Variants in MRPL48 observed in about 807,000 individuals in gnomAD.
MRPL48 encodes mitochondrial ribosomal protein L48.
MRPL48 carries 16 observed loss-of-function variants against 32.9 expected under a neutral mutation model. The ratio of observed to expected loss-of-function variants is 0.49; its 90% confidence interval spans 0.33 to 0.74. The LOEUF (loss-of-function observed/expected upper bound fraction) is 0.74, where lower values mean the gene tolerates loss of function less well. Among genes scored for constraint, MRPL48 ranks in the 30% least tolerant of loss-of-function variants. The pLI is 0.02. For missense variants in MRPL48, 206 were observed against 245.3 expected (o/e 0.84, Z 1.07); for synonymous variants, 94 against 89.2 (o/e 1.05, Z -0.31).
At chr11:73,823,771 C>CCT (rs1947830155) in intron 3 of MRPL48, among the ~76,000 whole-genome samples, 1 of 151,158 alleles carries the variant, frequency 6.6e-6, no homozygotes, top group Admixed American at 6.6e-5. Context: ...AATCCTCCTG[C>CCT]CTCAGCCTCC....
chr11:73,794,644 G>T (rs1189486590), intron 1 of MRPL48, among the ~76,000 whole-genome samples: 2 of 152,052 alleles, frequency 1.3e-5, no homozygotes, highest in Non-Finnish European at 2.9e-5. Context: ...GGGTTAAGTT[G>T]TTCAAGAGAA....
chr11:73,813,976 G>A (rs1295347190), intron 3 of MRPL48, among the ~76,000 whole-genome samples: 2 of 150,304 alleles, frequency 1.3e-5, no homozygotes, highest in Non-Finnish European at 2.9e-5. Flanking sequence ...GGGAGGCAGA[G>A]CTTGCAGTGA....
chr11:73,810,307 A>C (rs1173045480), intron 3 of MRPL48, among the ~76,000 whole-genome samples: 1 of 152,138 alleles, frequency 6.6e-6, no homozygotes, highest in Non-Finnish European at 1.5e-5. Context: ...GGATCACCTT[A>C]GGTCAGGAGT....
intron 4 of MRPL48, chr11:73,832,780 G>A (rs923304769): frequency 2.0e-5 from 3 of 152,168 alleles, no homozygotes; most frequent in African/African-American, 7.2e-5. Context: ...CTTAGGGAGA[G>A]TTACTTTATA....
At chr11:73,839,354 G>GT (rs199659373) in intron 4 of MRPL48, among the ~76,000 whole-genome samples, 1,627 of 151,572 alleles carry the variant, frequency 0.011, 35 homozygotes, top group Non-Finnish European at 8.9e-3. Flanking sequence ...AGTAGGGATA[G>GT]TTTTTTTTTC....
chr11:73,813,566 G>A (rs1490788247), intron 3 of MRPL48, among the ~76,000 whole-genome samples: 1 of 152,038 alleles, frequency 6.6e-6, no homozygotes, highest in Non-Finnish European at 1.5e-5. Flanking sequence ...ATATATTAAG[G>A]AAATTAGCAT....
At chr11:73,799,352 A>C (rs767740571) in intron 1 of MRPL48, among the ~76,000 whole-genome samples, 40 of 152,198 alleles carry the variant, frequency 2.6e-4, no homozygotes, top group Non-Finnish European at 5.6e-4. Context: ...ACCTTGTCTC[A>C]AAAACAAAAG....
At chr11:73,845,427 T>C (rs35320080) in intron 5 of MRPL48, among the ~76,000 whole-genome samples, 8,375 of 152,292 alleles carry the variant, frequency 0.055, 257 homozygotes, top group Middle Eastern at 0.11. Flanking sequence ...GCATTCATAA[T>C]GTTATACAAG....
chr11:73,856,154 C>G (rs1381148804), intron 5 of MRPL48, among the ~76,000 whole-genome samples: 1 of 152,120 alleles, frequency 6.6e-6, no homozygotes, highest in Non-Finnish European at 1.5e-5. Flanking sequence ...TGCTTTTTGC[C>G]TCTTTGCTGG....
At chr11:73,847,928 A>G (rs1948323542) in intron 5 of MRPL48, among the ~76,000 whole-genome samples, 1 of 152,096 alleles carries the variant, frequency 6.6e-6, no homozygotes, top group Admixed American at 6.6e-5. Context: ...CTTCCTGTCT[A>G]TGACTTATCT....
chr11:73,857,992 T>C (rs1409065466), intron 5 of MRPL48, among the ~76,000 whole-genome samples: 2 of 152,214 alleles, frequency 1.3e-5, no homozygotes, highest in Non-Finnish European at 2.9e-5. Flanking sequence ...CTGAAGTAAG[T>C]GTTAAAGAAT....
At chr11:73,803,063 G>A (rs942497721) in intron 1 of MRPL48, among the ~76,000 whole-genome samples, 1 of 152,104 alleles carries the variant, frequency 6.6e-6, no homozygotes, top group Non-Finnish European at 1.5e-5. Flanking sequence ...AACTTGCAAA[G>A]ACAGTACACA....
intron 4 of MRPL48, 22 bp downstream of exon 4, chr11:73,825,818 T>C (rs190036415): frequency 6.5e-6 from 10 of 1,543,224 alleles, no homozygotes. Flanking sequence ...GGGGAGTCTT[T>C]TGGAAAAGGA....
chr11:73,861,395 G>A (rs1321123007), intron 6 of MRPL48, among the ~76,000 whole-genome samples: 10 of 151,948 alleles, frequency 6.6e-5, no homozygotes, highest in Non-Finnish European at 2.9e-5. Flanking sequence ...TGGAGACAGA[G>A]TTTCACCCTT....
chr11:73,858,244 T>C (rs1948520480), intron 5 of MRPL48, among the ~76,000 whole-genome samples: 1 of 152,234 alleles, frequency 6.6e-6, no homozygotes, highest in Admixed American at 6.5e-5. Context: ...AGGAGGGATG[T>C]TATTTAGAAA....
chr11:73,838,638 G>A (rs1224975850), intron 4 of MRPL48, among the ~76,000 whole-genome samples: 2 of 152,184 alleles, frequency 1.3e-5, no homozygotes, highest in East Asian at 3.8e-4. Flanking sequence ...GAGAAGTCCT[G>A]ATTGCTGCAT....
intron 1 of MRPL48, among the ~76,000 whole-genome samples, chr11:73,801,912 A>G (rs371471919): frequency 3.3e-5 from 5 of 152,226 alleles, no homozygotes; most frequent in African/African-American, 1.2e-4. Flanking sequence ...ATTCATCAGA[A>G]CAAACCTTGA....
chr11:73,815,983 C>G (rs1320552488), intron 3 of MRPL48, among the ~76,000 whole-genome samples: 4 of 151,914 alleles, frequency 2.6e-5, no homozygotes, highest in Non-Finnish European at 5.9e-5. Flanking sequence ...GCCTTGGCCT[C>G]TCAAAGTTCT....
chr11:73,835,664 G>A (rs188124615), intron 4 of MRPL48, among the ~76,000 whole-genome samples: 20 of 152,134 alleles, frequency 1.3e-4, no homozygotes, highest in South Asian at 8.3e-4. Flanking sequence ...TTTGGGAGGC[G>A]GAGGCTGGTG....
Sources: allele counts gnomAD v4.1 joint callset (sites outside exome capture counted in the v4.1 genomes callset), GRCh38; gene constraint gnomAD v4.1.1; transcripts MANE v1.5; gene names NCBI Gene and HGNC (gene_info 2026-07-23, HGNC 2026-07-21).